The following PDZRN3 variants were observed in gnomAD, a reference collection of about 807,000 sequenced individuals.
PDZRN3 encodes PDZ domain containing ring finger 3.
PDZRN3 carries 38 observed loss-of-function variants against 85.7 expected under a neutral mutation model. That is an observed-to-expected ratio of 0.44 (90% CI 0.34 to 0.58). The LOEUF is 0.58. Among genes scored for constraint, PDZRN3 ranks in the 20% least tolerant of loss-of-function variants. PDZRN3 has a pLI of 0.01. For synonymous variants in PDZRN3, 759 were observed against 638.0 expected (o/e 1.19, Z -2.86); for missense variants, 1,629 against 1,506.4 (o/e 1.08, Z -1.35).
chr3:73,411,776 C>T lies in PDZRN3; in HGVS notation c.919-7381G>A, dbSNP rs558542274. 2.4e-4 allele frequency among the ~76,000 whole-genome samples: 37 copies of T among 152,320 alleles called. 1 individual carries two copies. The South Asian group carries it at 6.4e-3, about 26-fold the overall frequency. On this transcript the variant is annotated intron_variant, in intron 3 of 9. Coordinates refer to ENST00000263666, the MANE Select transcript of PDZRN3 (RefSeq NM_015009.3). ...CCATGAAAGTCGCTATCAGCCACTC[C>T]GTGCTTCGTTGCTCACCTTTTTATA... is the stretch of plus-strand genomic sequence containing the variant.
At chr3:73,494,486 A>G (rs781408486) in intron 3 of PDZRN3, among the ~76,000 whole-genome samples, 4 of 152,234 alleles carry the variant, frequency 2.6e-5, no homozygotes, top group Non-Finnish European at 4.4e-5. Flanking sequence ...CCTTATGGAA[A>G]GTCATTTGCT....
chr3:73,610,826 A>G (rs1315275807), intron 1 of PDZRN3, among the ~76,000 whole-genome samples: 2 of 152,240 alleles, frequency 1.3e-5, no homozygotes, highest in African/African-American at 4.8e-5. Context: ...AAAAAAGAAG[A>G]AGAAAATAAT....
chr3:73,544,934 C>T (rs986200589), intron 3 of PDZRN3, among the ~76,000 whole-genome samples: 2 of 152,036 alleles, frequency 1.3e-5, no homozygotes, highest in African/African-American at 4.8e-5. Flanking sequence ...TCAAAACCTC[C>T]GTAGCTGTAT....
intron 3 of PDZRN3, among the ~76,000 whole-genome samples, chr3:73,490,393 C>T (rs1703748101): frequency 6.6e-6 from 1 of 152,210 alleles, no homozygotes; most frequent in Admixed American, 6.5e-5. Context: ...TGATAATGTA[C>T]AACCAGCACA....
chr3:73,425,177 T>A (rs777320385), intron 3 of PDZRN3, among the ~76,000 whole-genome samples: 3 of 151,618 alleles, frequency 2.0e-5, no homozygotes, highest in Non-Finnish European at 4.4e-5. Context: ...ACCACGCCTG[T>A]CTAATTTTTT....
At chr3:73,434,530 C>G (rs959763735) in intron 3 of PDZRN3, among the ~76,000 whole-genome samples, 1 of 152,160 alleles carries the variant, frequency 6.6e-6, no homozygotes, top group Non-Finnish European at 1.5e-5. Context: ...GGTGAGAAAG[C>G]AGATAATCAT....
At chr3:73,396,099 TG>T (rs2106705861) in intron 5 of PDZRN3, among the ~76,000 whole-genome samples, 1 of 152,268 alleles carries the variant, frequency 6.6e-6, no homozygotes, top group Admixed American at 6.5e-5. Flanking sequence ...GGCACATACC[TG>T]TAATCCCAGC....
intron 3 of PDZRN3, among the ~76,000 whole-genome samples, chr3:73,596,123 A>G (rs532177073): frequency 1.1e-4 from 17 of 152,288 alleles, no homozygotes; most frequent in African/African-American, 3.8e-4. Context: ...GAACATGTCA[A>G]AATAACACAG....
At chr3:73,539,895 T>C (rs1181586888) in intron 3 of PDZRN3, among the ~76,000 whole-genome samples, 2 of 151,784 alleles carry the variant, frequency 1.3e-5, no homozygotes, top group African/African-American at 4.8e-5. Flanking sequence ...TAAAAAGCAA[T>C]CAGTAAGTGG....
intron 3 of PDZRN3, 33 bp downstream of exon 3, chr3:73,602,321 C>A: frequency 8.7e-7 from 1 of 1,145,402 alleles, no homozygotes; most frequent in Admixed American, 1.7e-5. Context: ...TGGCATTCAG[C>A]CTATTCAAAG....
At chr3:73,550,243 C>T (rs1701520734) in intron 3 of PDZRN3, among the ~76,000 whole-genome samples, 1 of 152,130 alleles carries the variant, frequency 6.6e-6, no homozygotes, top group African/African-American at 2.4e-5. Context: ...TCGCCGCCAC[C>T]CCTCAACCCC....
intron 3 of PDZRN3, among the ~76,000 whole-genome samples, chr3:73,417,415 A>G (rs373791157): frequency 2.0e-5 from 3 of 152,190 alleles, no homozygotes; most frequent in East Asian, 1.9e-4. Flanking sequence ...TGACAATTGA[A>G]CTATTCTGGA....
intron 3 of PDZRN3, among the ~76,000 whole-genome samples, chr3:73,551,688 CAAAAAAA>C (rs71126878): frequency 0.014 from 1,463 of 104,576 alleles, 34 homozygotes; most frequent in African/African-American, 0.05. Context: ...GACCCTGTTT[CAAAAAAA>C]AAAAAAAAAA....
chr3:73,529,686 G>A (rs998729906), intron 3 of PDZRN3, among the ~76,000 whole-genome samples: 3 of 152,216 alleles, frequency 2.0e-5, no homozygotes, highest in Non-Finnish European at 4.4e-5. Flanking sequence ...CCAAGGGGCT[G>A]GATAGAAAGA....
intron 3 of PDZRN3, among the ~76,000 whole-genome samples, chr3:73,493,875 C>A (rs904712657): frequency 9.9e-5 from 15 of 152,160 alleles, no homozygotes; most frequent in African/African-American, 3.1e-4. Flanking sequence ...GTGACAGGAT[C>A]AATCTTGGCG....
intron 3 of PDZRN3, among the ~76,000 whole-genome samples, chr3:73,574,440 C>A (rs745794697): frequency 2.5e-5 from 1 of 40,026 alleles, no homozygotes; most frequent in African/African-American, 7.7e-5. Flanking sequence ...GGAAGAAGCA[C>A]TTTTTTTTGG....
intron 3 of PDZRN3, among the ~76,000 whole-genome samples, chr3:73,582,049 G>A (rs947095396): frequency 5.9e-5 from 9 of 151,742 alleles, no homozygotes; most frequent in Non-Finnish European, 1.0e-4. Flanking sequence ...GCACTGAACC[G>A]AGATCACACC....
At chr3:73,483,628 A>G (rs1357953966) in intron 3 of PDZRN3, among the ~76,000 whole-genome samples, 1 of 152,230 alleles carries the variant, frequency 6.6e-6, no homozygotes, top group Non-Finnish European at 1.5e-5. Context: ...ATATGCTACA[A>G]AGTGAGGTAG....
intron 3 of PDZRN3, among the ~76,000 whole-genome samples, chr3:73,524,034 T>C (rs569294626): frequency 1.8e-4 from 28 of 152,298 alleles, no homozygotes; most frequent in Admixed American, 5.9e-4. Flanking sequence ...TTCTTACAAG[T>C]AGATATCACA....
Sources: allele counts gnomAD v4.1 joint callset (sites outside exome capture counted in the v4.1 genomes callset), GRCh38; gene constraint gnomAD v4.1.1; transcripts MANE v1.5; gene names NCBI Gene and HGNC (gene_info 2026-07-23, HGNC 2026-07-21).